SGCD: variants seen among roughly 807,000 people sequenced by gnomAD.
SGCD encodes sarcoglycan delta, also known as delta-sarcoglycan.
In SGCD, 18 loss-of-function variants were observed where a neutral mutation model predicts 36.6. That is an observed-to-expected ratio of 0.49 (90% CI 0.34 to 0.73). SGCD has a LOEUF of 0.73. Ranked by LOEUF, SGCD falls within the 30% of genes least tolerant of loss-of-function variation. The pLI is 0.01. For synonymous variants in SGCD, 133 were observed against 130.6 expected, an observed-to-expected ratio of 1.02 and a Z score of -0.12; for missense variants, 387 against 346.7, an observed-to-expected ratio of 1.12 and a Z score of -0.92.
At chr5:155,991,127 C>G (rs1423983300) in intron 1 of SGCD, among the ~76,000 whole-genome samples, 1 of 152,108 alleles carries the variant, frequency 6.6e-6, no homozygotes, top group Non-Finnish European at 1.5e-5. Context: ...TGAGATTATT[C>G]CCTTGGCCTA....
chr5:156,473,813 C>G (rs1173819611), intron 3 of SGCD, among the ~76,000 whole-genome samples: 2 of 152,142 alleles, frequency 1.3e-5, no homozygotes, highest in Non-Finnish European at 2.9e-5. Context: ...CCACTGACCA[C>G]CTTTTGAGAA....
At chr5:155,938,323 C>A (rs1013345827) in intron 1 of SGCD, among the ~76,000 whole-genome samples, 1 of 152,098 alleles carries the variant, frequency 6.6e-6, no homozygotes, top group Non-Finnish European at 1.5e-5. Flanking sequence ...CTGGGGTCTG[C>A]CCCAGGATAA....
intron 1 of SGCD, among the ~76,000 whole-genome samples, chr5:156,037,241 G>C (rs530688820): frequency 6.6e-6 from 1 of 152,208 alleles, no homozygotes; most frequent in African/African-American, 2.4e-5. Flanking sequence ...TTCCCTGAGA[G>C]AGGCAAAAGA....
intron 3 of SGCD, among the ~76,000 whole-genome samples, chr5:156,469,063 G>A (rs1333147492): frequency 6.6e-6 from 1 of 152,162 alleles, no homozygotes; most frequent in Non-Finnish European, 1.5e-5. Context: ...CTGACATATT[G>A]TAAATATTAT....
intron 2 of SGCD, among the ~76,000 whole-genome samples, chr5:156,340,160 G>C (rs1768572045): frequency 6.6e-6 from 1 of 152,170 alleles, no homozygotes; most frequent in African/African-American, 2.4e-5. Context: ...GAACATTTAT[G>C]ATTATATATG....
intron 2 of SGCD, among the ~76,000 whole-genome samples, chr5:156,332,296 G>T (rs1003122372): frequency 2.6e-5 from 4 of 152,174 alleles, no homozygotes; most frequent in Non-Finnish European, 5.9e-5. Context: ...ATTGACTTAT[G>T]AAATATTTAA....
At chr5:155,818,273 T>G in the SGCD span, among the ~76,000 whole-genome samples, 6 of 152,062 alleles carry the variant, frequency 3.9e-5, no homozygotes, top group Non-Finnish European at 7.4e-5. Context: ...TTCAAAGTCT[T>G]GACAGGAGAT....
intron 1 of SGCD, among the ~76,000 whole-genome samples, chr5:155,903,239 A>G (rs972909452): frequency 6.6e-6 from 1 of 151,812 alleles, no homozygotes; most frequent in Non-Finnish European, 1.5e-5. Context: ...TTCTCTCTCT[A>G]ATTTCTTCAG....
At chr5:155,890,786 G>A (rs940483638) in intron 1 of SGCD, among the ~76,000 whole-genome samples, 1 of 152,060 alleles carries the variant, frequency 6.6e-6, no homozygotes, top group Non-Finnish European at 1.5e-5. Flanking sequence ...GCTTCACTAT[G>A]TTGATATGAA....
chr5:156,185,202 C>CTTTAA (rs1157908013), intron 3 of SGCD, among the ~76,000 whole-genome samples: 1 of 139,370 alleles, frequency 7.2e-6, no homozygotes, highest in Non-Finnish European at 1.5e-5. Context: ...TTTCTCCTTC[C>CTTTAA]TTTAATTTTC....
chr5:156,094,643 T>C (rs1343385101), intron 1 of SGCD, among the ~76,000 whole-genome samples: 1 of 152,204 alleles, frequency 6.6e-6, no homozygotes, highest in African/African-American at 2.4e-5. Context: ...CTTGGGCTCA[T>C]AGCTGTAAGC....
intron 3 of SGCD, among the ~76,000 whole-genome samples, chr5:156,437,038 C>T (rs1024526077): frequency 6.6e-6 from 1 of 152,122 alleles, no homozygotes. Context: ...TATTCCCATT[C>T]ATTTCTCACA....
chr5:156,326,304 T>C (rs543185725), upstream of SGCD, among the ~76,000 whole-genome samples: 1 of 152,168 alleles, frequency 6.6e-6, no homozygotes, highest in Admixed American at 6.5e-5. Context: ...CCAGAAATAA[T>C]CACAGGTGCA....
rs145685577 is a variant in SGCD at position 156,543,575 on chromosome 5, G to A, written c.294+34873G>A. 1.9e-3 allele frequency among the ~76,000 whole-genome samples: 287 copies of A among 152,290 alleles called. 1 individual carries two copies. The highest frequency in any genetic ancestry group is 6.4e-3 in the African/African-American group (268 of 41,562). Reference sequence around the variant, plus strand: ...TCACTAATTCTCATTAAGCCACAGCGTCTGCTCTGCAAAAGAGGTAGCAAC... The same window carrying A: ...TCACTAATTCTCATTAAGCCACAGCATCTGCTCTGCAAAAGAGGTAGCAAC... On this transcript the variant is annotated intron_variant, in intron 4 of 8. Coordinates refer to ENST00000337851, the MANE Select transcript of SGCD (RefSeq NM_000337.6).
intron 3 of SGCD, among the ~76,000 whole-genome samples, chr5:156,429,117 A>G (rs1773807641): frequency 6.6e-6 from 1 of 151,814 alleles, no homozygotes; most frequent in African/African-American, 2.4e-5. Flanking sequence ...CCCCAGTGTT[A>G]TTATGTTGCT....
intron 6 of SGCD, among the ~76,000 whole-genome samples, chr5:156,617,852 GCTTTTCCTC>G (rs144351878): frequency 0.036 from 5,407 of 152,190 alleles, 318 homozygotes; most frequent in African/African-American, 0.12. Context: ...ATGTTCCTGT[GCTTTTCCTC>G]ACCCACTCTG....
intron 1 of SGCD, among the ~76,000 whole-genome samples, chr5:155,988,141 T>A (rs532961946): frequency 6.6e-6 from 1 of 152,310 alleles, no homozygotes; most frequent in South Asian, 2.1e-4. Context: ...AGACTATTTA[T>A]ATATTGGTGC....
At chr5:156,553,521 A>G (rs1376284805) in intron 4 of SGCD, among the ~76,000 whole-genome samples, 1 of 152,030 alleles carries the variant, frequency 6.6e-6, no homozygotes, top group Non-Finnish European at 1.5e-5. Context: ...GGTTTTTCAT[A>G]TATTTTCTAT....
chr5:155,912,890 C>T (rs191154475), intron 1 of SGCD, among the ~76,000 whole-genome samples: 5 of 151,808 alleles, frequency 3.3e-5, no homozygotes, highest in Admixed American at 3.3e-4. Flanking sequence ...TTCTACATTC[C>T]CTTTCTTCTA....
Sources: gnomAD v4.1 joint callset for allele counts (sites outside exome capture counted in the v4.1 genomes callset) on GRCh38, gnomAD v4.1.1 for gene constraint, MANE v1.5 for transcripts, NCBI Gene and HGNC (gene_info 2026-07-23, HGNC 2026-07-21) for gene names.